WDR4: variants seen among roughly 807,000 people sequenced by gnomAD.
WDR4 encodes the protein WDR4 tRNA N7-guanosine methyltransferase non-catalytic subunit.
In WDR4, 47 loss-of-function variants were observed where a neutral mutation model predicts 48.6. The observed-to-expected ratio is 0.97, with a 90% CI of 0.77 to 1.23. The LOEUF (loss-of-function observed/expected upper bound fraction) is 1.23, where lower values mean the gene tolerates loss of function less well. WDR4 is among the 50% of genes most tolerant of loss of function. The probability of loss-of-function intolerance (pLI) is 0.00; values close to 1 mark genes in which losing one functional copy is unlikely to be tolerated. For synonymous variants in WDR4, 268 were observed against 230.0 expected, an observed-to-expected ratio of 1.17 and a Z score of -1.49; for missense variants, 606 against 551.6, an observed-to-expected ratio of 1.10 and a Z score of -0.99.
At chr21:42,854,236 C>A (rs2057923546) in intron 8 of WDR4, among the ~76,000 whole-genome samples, 1 of 152,262 alleles carries the variant, frequency 6.6e-6, no homozygotes, top group African/African-American at 2.4e-5. Flanking sequence ...GGGTTCCCAT[C>A]CGACCAGCCC....
chr21:42,875,492 T>A (rs911885270), intron 2 of WDR4, among the ~76,000 whole-genome samples: 1 of 151,798 alleles, frequency 6.6e-6, no homozygotes, highest in Admixed American at 6.6e-5. Context: ...GAGGTGGAGG[T>A]TGCAGTGAGC....
rs372799050 is a variant in WDR4, at chr21:42,853,717, C to T, written c.827G>A (p.Arg276His). 12 of 1,565,798 alleles carry T rather than the reference C, an allele frequency of 7.7e-6. No homozygotes were observed. In the African/African-American group the frequency reaches 8.1e-5, roughly 11 times the overall value. The change falls in exon 9 of 11, where the codon CGC (arginine) becomes CAC (histidine). Residue 276 changes from arginine to histidine, a missense_variant. Arg to His is a conservative substitution (Grantham distance 29). Coordinates refer to ENST00000398208, the MANE Select transcript of WDR4 (RefSeq NM_018669.6). Reference sequence around the variant, plus strand: ...CTGCCTGTACACCAACTGCTGTCTGCGGGCGTCCAGCTGGAAGATGTAGAC... The same window carrying T: ...CTGCCTGTACACCAACTGCTGTCTGTGGGCGTCCAGCTGGAAGATGTAGAC... ...PVVYIFQLDA[R>H]RQQLVYRQQL... is the part of the protein sequence containing the mutation.
the WDR4 span, among the ~76,000 whole-genome samples, chr21:42,892,375 A>T: frequency 3.3e-5 from 5 of 151,714 alleles, no homozygotes; most frequent in African/African-American, 1.2e-4. Flanking sequence ...TTTGCCTCCC[A>T]GGGTGGATGG....
chr21:42,859,336 G>A (rs1400354973), intron 6 of WDR4, among the ~76,000 whole-genome samples: 2 of 152,184 alleles, frequency 1.3e-5, no homozygotes, highest in African/African-American at 2.4e-5. Flanking sequence ...AAGAGTCAGA[G>A]AAGCCCCCGT....
At chr21:42,873,999 G>A (rs770316657) in intron 2 of WDR4, among the ~76,000 whole-genome samples, 23 of 152,100 alleles carry the variant, frequency 1.5e-4, no homozygotes, top group Non-Finnish European at 2.5e-4. Flanking sequence ...AAGGCTAGAG[G>A]CAGGGATAAA....
chr21:42,855,870 T>C (rs1363158235), intron 6 of WDR4, 90 bp from the exon 7 acceptor site: 9 of 1,011,920 alleles, frequency 8.9e-6, no homozygotes, highest in Non-Finnish European at 1.2e-5. Flanking sequence ...TGGTCGGGGT[T>C]CCACTCCGTG....
the WDR4 span, among the ~76,000 whole-genome samples, chr21:42,885,655 C>G: frequency 9.1e-4 from 139 of 152,112 alleles, 1 homozygote; most frequent in African/African-American, 3.3e-3. Flanking sequence ...TATCAATTTC[C>G]CCCAAAATCC....
chr21:42,855,578 TGA>T, intron 7 of WDR4, 102 bp downstream of exon 7: 1 of 838,632 alleles, frequency 1.2e-6, no homozygotes, highest in Non-Finnish European at 1.8e-6. Flanking sequence ...AGTCTGGCAT[TGA>T]GAGCAAACGT....
the WDR4 span, among the ~76,000 whole-genome samples, chr21:42,887,438 C>T: frequency 6.6e-6 from 1 of 152,060 alleles, no homozygotes; most frequent in Non-Finnish European, 1.5e-5. Flanking sequence ...CACATCTGGA[C>T]CCAGCCTCTA....
intron 1 of WDR4, chr21:42,879,122 C>A (rs1012749820): frequency 8.2e-7 from 1 of 1,216,566 alleles, no homozygotes; most frequent in Non-Finnish European, 1.0e-6. Flanking sequence ...CCGGAAGCGA[C>A]CCGGCGGCGC....
At chr21:42,892,147 G>T in the WDR4 span, among the ~76,000 whole-genome samples, 1 of 149,430 alleles carries the variant, frequency 6.7e-6, no homozygotes, top group Non-Finnish European at 1.5e-5. Flanking sequence ...CCAGCTACTC[G>T]GGAGGCTGAG....
chr21:42,871,983 A>C (rs1351284419), intron 3 of WDR4, among the ~76,000 whole-genome samples: 1 of 106,408 alleles, frequency 9.4e-6, no homozygotes, highest in Non-Finnish European at 2.0e-5. Context: ...TGCCACCTAG[A>C]ATTTGGCTTT....
At chr21:42,848,103 T>C (rs567689999), downstream of WDR4, among the ~76,000 whole-genome samples, 29 of 152,320 alleles carry the variant, frequency 1.9e-4, no homozygotes, top group South Asian at 6.0e-3. Flanking sequence ...ATGAAAAATT[T>C]GAAGCATTCC....
rs769632394 is a variant in WDR4 at position 42,850,225 on chromosome 21, C to T, written c.1063G>A (p.Ala355Thr). ...GCCTTGTAGAGACTGCTGAAGCTGG[C>T]GTCTGCGCCGGCAGAGCCTGTGATG... Reference protein sequence around the residue: ...AMLEGSAGADASFSSLYKATF... With the variant: ...AMLEGSAGADTSFSSLYKATF... Residue 355 changes from alanine to threonine, a missense_variant, in exon 11 of 11, where the codon GCC (alanine) becomes ACC (threonine). Ala to Thr is a moderately conservative substitution (Grantham distance 58). Coordinates refer to ENST00000398208, the MANE Select transcript of WDR4 (RefSeq NM_018669.6). 13 of 1,597,284 alleles carry T rather than the reference C, an allele frequency of 8.1e-6. No homozygotes were observed. In the East Asian group the frequency reaches 1.6e-4, roughly 19 times the overall value.
intron 9 of WDR4, among the ~76,000 whole-genome samples, chr21:42,852,787 T>C (rs1332216086): frequency 1.3e-5 from 2 of 151,976 alleles, no homozygotes; most frequent in Admixed American, 1.3e-4. Flanking sequence ...TGGTGGCGCA[T>C]GCCTGTAATC....
chr21:42,887,491 C>T, the WDR4 span, among the ~76,000 whole-genome samples: 1 of 151,988 alleles, frequency 6.6e-6, no homozygotes, highest in African/African-American at 2.4e-5. Flanking sequence ...TAACTGCTCA[C>T]GAGGAAATGT....
At chr21:42,873,741 C>A in intron 2 of WDR4, 50 bp from the exon 3 acceptor site, 1 of 1,588,276 alleles carries the variant, frequency 6.3e-7, no homozygotes, top group Non-Finnish European at 8.6e-7. Context: ...GGAAATAAGG[C>A]TGCATTCCTT....
chr21:42,874,603 A>G (rs976428198), intron 2 of WDR4, among the ~76,000 whole-genome samples: 22 of 152,072 alleles, frequency 1.4e-4, no homozygotes, highest in African/African-American at 5.1e-4. Flanking sequence ...TGCGCCCCTG[A>G]GGGTGGGCCT....
intron 3 of WDR4, among the ~76,000 whole-genome samples, chr21:42,869,387 G>C (rs954977564): frequency 6.6e-6 from 1 of 152,138 alleles, no homozygotes; most frequent in Non-Finnish European, 1.5e-5. Context: ...TCTGAGATCC[G>C]TGTACACATC....
Sources: gnomAD v4.1 joint callset for allele counts (sites outside exome capture counted in the v4.1 genomes callset) on GRCh38, gnomAD v4.1.1 for gene constraint, MANE v1.5 for transcripts, NCBI Gene and HGNC (gene_info 2026-07-23, HGNC 2026-07-21) for gene names.